LIPN: variants seen among roughly 807,000 people sequenced by gnomAD.
LIPN encodes lipase family member N.
Under a neutral mutation model 43.7 loss-of-function variants are expected in LIPN, and 32 were observed. The observed-to-expected ratio is 0.73, with a 90% CI of 0.55 to 0.98. The LOEUF (loss-of-function observed/expected upper bound fraction) is 0.98. Among genes scored for constraint, LIPN ranks in the 50% least tolerant of loss-of-function variants. LIPN has a pLI of 0.00. For missense variants in LIPN, 505 were observed against 483.8 expected, an observed-to-expected ratio of 1.04 and a Z score of -0.41; for synonymous variants, 156 against 157.6, an observed-to-expected ratio of 0.99 and a Z score of 0.08.
rs1368389052 is a variant in LIPN, at chr10:88,779,154, A to T, written c.*912A>T. On this transcript the variant is annotated 3_prime_UTR_variant, in exon 10 of 10. Transcript: ENST00000404459. The stretch of plus-strand genomic sequence containing the variant: ...TACCTAATGGAAACCTGATTGCCGC[A>T]TTTTTGTAACCACCACTTTGGCTGC... Among the ~76,000 whole-genome samples, 2 of 152,216 alleles carry T rather than the reference A, an allele frequency of 1.3e-5. No individual in the cohort carries two copies. The highest frequency in any genetic ancestry group is 2.9e-5 in the Non-Finnish European group (2 of 68,040).
At chr10:88,766,233 G>T (rs761503586) in intron 4 of LIPN, 36 bp from the exon 5 acceptor site, 1 of 1,003,344 alleles carries the variant, frequency 1.0e-6, no homozygotes, top group South Asian at 1.3e-5. Flanking sequence ...ACTTAAACTT[G>T]CAAGTATTTA....
At chr10:88,759,300 C>T (rs1344732748), upstream of LIPN, among the ~76,000 whole-genome samples, 1 of 152,150 alleles carries the variant, frequency 6.6e-6, no homozygotes, top group African/African-American at 2.4e-5. Context: ...TTTCCCTACC[C>T]TTCTTCATGC....
At chr10:88,767,231 T>C (rs900288943) in intron 5 of LIPN, among the ~76,000 whole-genome samples, 2 of 151,988 alleles carry the variant, frequency 1.3e-5, no homozygotes, top group East Asian at 3.9e-4. Flanking sequence ...GTAACAAACA[T>C]ATATTCATTA....
In LIPN at chr10:88,766,330, G is replaced by C. The variant is rs755721438; in HGVS notation, c.487G>C (p.Gly163Arg). ...GVIDFIVNKT[G>R]QEKLYFIGHS... ...AATAGACTTCATTGTAAATAAAACT[G>C]GTCAGGAGAAATTGTATTTCATTGG... Residue 163 changes from glycine (G) to arginine (R), a missense_variant, in exon 5 of 10, where the codon GGT (glycine) becomes CGT (arginine). Physicochemically the swap from Gly to Arg is moderately radical, Grantham distance 125. Coordinates refer to ENST00000404459, the MANE Select transcript of LIPN (RefSeq NM_001102469.2). The C allele has an allele frequency of 4.7e-5, 76 of 1,609,890 alleles. 1 individual carries two copies. Among genetic ancestry groups the C allele is most frequent in the Non-Finnish European group, 3.4e-6 (4 of 1,177,134 alleles).
rs303472 is a variant in LIPN, at chr10:88,775,030, T to G, written c.892-62T>G. On this transcript the variant is annotated intron_variant, in intron 8 of 9. Coordinates refer to ENST00000404459, the MANE Select transcript of LIPN (RefSeq NM_001102469.2). ...CTAGCATACAGCATTTTTCTAAAATTTGCTGTTAGCTTTCATGATTCTTAC... is the reference window on the plus strand; with the variant it reads ...CTAGCATACAGCATTTTTCTAAAATGTGCTGTTAGCTTTCATGATTCTTAC... The G allele has an allele frequency of 0.19, 210,309 of 1,123,806 alleles. 20,736 individuals carry two copies. Among genetic ancestry groups the G allele is most frequent in the Non-Finnish European group, 0.21 (158,115 of 770,012 alleles). 69.6% of individuals were successfully genotyped at this position (1,123,806 alleles called of 1,614,324 possible).
At chr10:88,764,724 CT>C in intron 4 of LIPN, 116 bp downstream of exon 4, 1 of 668,440 alleles carries the variant, frequency 1.5e-6, no homozygotes, top group East Asian at 3.0e-5. Context: ...CTTGTAGTTT[CT>C]GTTAAGATCT....
chr10:88,774,539 A>T lies in LIPN; in HGVS notation c.886A>T (p.Lys296Ter), dbSNP rs773760362. The T allele has an allele frequency of 1.1e-5, 17 of 1,608,666 alleles. No homozygotes were observed. The highest frequency in any genetic ancestry group is 1.4e-5 in the Non-Finnish European group (17 of 1,175,876). ...GSSVHNILHI[K>*]QLYHSDEFRA... ...ATCAGTACACAACATTCTGCATATA[A>T]AACAGGTAGAGTCTTAGTCATGGAA... Residue 296 changes from lysine (K) to a stop codon, truncating the protein, a stop_gained, in exon 8 of 10, where the codon AAA becomes TAA. Coordinates refer to ENST00000404459, the MANE Select transcript of LIPN (RefSeq NM_001102469.2). LOFTEE classifies it high-confidence loss of function.
intron 5 of LIPN, among the ~76,000 whole-genome samples, chr10:88,768,019 C>CACAT (rs199564093): frequency 0.019 from 596 of 31,170 alleles, 4 homozygotes; most frequent in African/African-American, 0.095. Context: ...TTTCAGTACA[C>CACAT]ACACACACAC....
chr10:88,757,277 A>G (rs148506848), upstream of LIPN, among the ~76,000 whole-genome samples: 2 of 152,170 alleles, frequency 1.3e-5, no homozygotes, highest in East Asian at 3.9e-4. Flanking sequence ...AAATGATATA[A>G]TTTTCCTCAT....
intron 2 of LIPN, among the ~76,000 whole-genome samples, chr10:88,761,718 G>GCTATCTATCTATCTAT (rs71022539): frequency 4.5e-4 from 65 of 145,870 alleles, no homozygotes; most frequent in South Asian, 1.1e-3. Context: ...GTGCTATTGT[G>GCTATCTATCTATCTAT]CTATCTATCT....
intron 7 of LIPN, among the ~76,000 whole-genome samples, chr10:88,771,511 C>G (rs1590180741): frequency 1.3e-5 from 2 of 151,746 alleles, no homozygotes. Context: ...TGAGAACATG[C>G]AGTATTTGTC....
At chr10:88,773,528 CT>C (rs1215699460) in intron 7 of LIPN, among the ~76,000 whole-genome samples, 2 of 151,822 alleles carry the variant, frequency 1.3e-5, no homozygotes, top group Admixed American at 6.6e-5. Context: ...GGGATCCCCT[CT>C]TTATGAAGAA....
intron 7 of LIPN, 85 bp from the exon 8 acceptor site, chr10:88,774,388 C>T: frequency 1.3e-6 from 1 of 792,478 alleles, no homozygotes; most frequent in Non-Finnish European, 2.2e-6. Flanking sequence ...GTCTTGTTTG[C>T]TAATTCTGTG....
At chr10:88,764,673 G>T in intron 4 of LIPN, 65 bp downstream of exon 4, 1 of 1,153,660 alleles carries the variant, frequency 8.7e-7, no homozygotes, top group Non-Finnish European at 1.2e-6. Flanking sequence ...TAACGTGGAC[G>T]CTATTAATGA....
In LIPN at chr10:88,764,492, T is replaced by G; in HGVS notation, c.309T>G (p.Leu103=). The change falls in exon 4 of 10, where the codon CTT becomes CTG. Residue 103 remains leucine (L), a synonymous_variant. Coordinates refer to ENST00000404459, the MANE Select transcript of LIPN (RefSeq NM_001102469.2). ...YWLENYANGS[L]GFLLADAGYD... is the part of the protein sequence containing the mutation. ...TTGAGAATTATGCTAATGGAAGCCT[T>G]GGATTCCTTCTAGCAGATGCAGGTT... is the stretch of plus-strand genomic sequence containing the variant. The G allele has an allele frequency of 6.2e-7, 1 of 1,612,296 alleles. No homozygotes were observed. The highest frequency in any genetic ancestry group is 8.5e-7 in the Non-Finnish European group (1 of 1,178,932).
At chr10:88,775,258 G>A (rs1016067082) in intron 9 of LIPN, 95 bp downstream of exon 9, 5 of 679,294 alleles carry the variant, frequency 7.4e-6, no homozygotes, top group Non-Finnish European at 1.1e-5. Context: ...TCATTTGGTG[G>A]CATTTATACT....
In LIPN at chr10:88,775,141, A is replaced by C. The variant is rs1843275903; in HGVS notation, c.941A>C (p.Asp314Ala). 3.9e-6 allele frequency: 6 copies of C among 1,545,728 alleles called. No homozygotes were observed. Among genetic ancestry groups the C allele is most frequent in the Non-Finnish European group, 5.3e-6 (6 of 1,142,776 alleles). Reference sequence around the variant, plus strand: ...GCTTATGACTGGGGAAATGACGCTGATAATATGAAACATTACAATCAGGTG... The same window carrying C: ...GCTTATGACTGGGGAAATGACGCTGCTAATATGAAACATTACAATCAGGTG... ...FRAYDWGNDA[D>A]NMKHYNQSHP... The change falls in exon 9 of 10, where the codon GAT becomes GCT. Residue 314 changes from aspartate to alanine, a missense_variant. Coordinates refer to ENST00000404459, the MANE Select transcript of LIPN (RefSeq NM_001102469.2).
rs1843346654 is a variant in LIPN, at chr10:88,779,222, G to A, written c.*980G>A. On this transcript the variant is annotated 3_prime_UTR_variant, in exon 10 of 10. Coordinates refer to ENST00000404459, the MANE Select transcript of LIPN (RefSeq NM_001102469.2). ...AGAAGATGCCAACAAAAGATTCTGAGCAAGACTGTAAATCTGATCAAGTGT... is the reference window on the plus strand; with the variant it reads ...AGAAGATGCCAACAAAAGATTCTGAACAAGACTGTAAATCTGATCAAGTGT... 6.6e-6 allele frequency among the ~76,000 whole-genome samples: 1 copy of A among 152,174 alleles called. No homozygotes were observed. Among genetic ancestry groups the A allele is most frequent in the African/African-American group, 2.4e-5 (1 of 41,454 alleles).
rs374782630 is a variant in LIPN at position 88,761,442 on chromosome 10, T to C, written c.37T>C (p.Cys13Arg). The C allele has an allele frequency of 1.1e-4, 171 of 1,612,328 alleles. 1 individual carries two copies. The highest frequency in any genetic ancestry group is 1.3e-4 in the Non-Finnish European group (158 of 1,179,010). ...GCTTTTAACAACAACTTGTTTGATC[T>C]GTGGAACTTTAAATGCTGGTGGATT... ...WLLLTTTCLICGTLNAGGFLD... is the reference protein window; with the variant it reads ...WLLLTTTCLIRGTLNAGGFLD... Residue 13 changes from cysteine to arginine, a missense_variant, in exon 2 of 10, where the codon TGT (cysteine) becomes CGT (arginine). Transcript: ENST00000404459.
Sources: gnomAD v4.1 joint callset for allele counts (sites outside exome capture counted in the v4.1 genomes callset) on GRCh38, gnomAD v4.1.1 for gene constraint, MANE v1.5 for transcripts, NCBI Gene and HGNC (gene_info 2026-07-23, HGNC 2026-07-21) for gene names.